The following GLYATL3 variants were observed in gnomAD, a reference collection of about 807,000 sequenced individuals.
GLYATL3 encodes the protein glycine N-acyltransferase-like protein 3.
GLYATL3 carries 31 observed loss-of-function variants against 28.5 expected under a neutral mutation model. The ratio of observed to expected loss-of-function variants is 1.09; its 90% CI spans 0.82 to 1.47. The LOEUF is 1.47. Ranked by LOEUF, GLYATL3 falls within the 40% of genes most tolerant of loss-of-function variation. The pLI is 0.00. For synonymous variants in GLYATL3, 141 were observed against 140.2 expected, an observed-to-expected ratio of 1.01 and a Z score of -0.04; for missense variants, 369 against 351.5, an observed-to-expected ratio of 1.05 and a Z score of -0.40.
At chr6:49,504,182 A>T (rs1258497154) in intron 1 of GLYATL3, among the ~76,000 whole-genome samples, 3 of 150,484 alleles carry the variant, frequency 2.0e-5, no homozygotes, top group Non-Finnish European at 3.0e-5. Flanking sequence ...GGCTGACTGG[A>T]TTGTCTGTTG....
intron 1 of GLYATL3, among the ~76,000 whole-genome samples, chr6:49,506,482 A>T (rs1384442775): frequency 1.3e-5 from 2 of 152,054 alleles, no homozygotes; most frequent in African/African-American, 4.8e-5. Context: ...AGTGAAAGCA[A>T]ATTTTTCACA....
At position 49,527,010 on chromosome 6, in the gene GLYATL3, C is replaced by T; in HGVS notation, c.*96C>T. 2 of 925,812 alleles carry T rather than the reference C, an allele frequency of 2.2e-6. No homozygotes were observed. The highest frequency in any genetic ancestry group is 1.8e-5 in the South Asian group (1 of 56,278). The allele number at this position is 925,812 out of a possible 1,614,324, so 57.3% of individuals were successfully genotyped here. ...GAGAGTTAAAATGGGAATCAGGGGA[C>T]TCTTGAGTTGTTGGAAAGGGTCTGG... On this transcript the variant is annotated 3_prime_UTR_variant, in exon 6 of 6. Coordinates refer to ENST00000371197, the MANE Select transcript of GLYATL3 (RefSeq NM_001010904.2).
chr6:49,518,226 T>C (rs1382840302), intron 4 of GLYATL3, among the ~76,000 whole-genome samples: 1 of 152,104 alleles, frequency 6.6e-6, no homozygotes, highest in Non-Finnish European at 1.5e-5. Flanking sequence ...TCTCACCATA[T>C]TGACTAAGCT....
chr6:49,520,824 T>A (rs1223903600), intron 4 of GLYATL3, among the ~76,000 whole-genome samples: 1 of 152,078 alleles, frequency 6.6e-6, no homozygotes, highest in East Asian at 1.9e-4. Context: ...GAGACCAACC[T>A]GGACTTATAG....
intron 1 of GLYATL3, among the ~76,000 whole-genome samples, chr6:49,509,875 C>T (rs980290092): frequency 6.6e-6 from 1 of 151,452 alleles, no homozygotes; most frequent in African/African-American, 2.4e-5. Context: ...TTACTTTGTC[C>T]CTCTATTTCT....
Position 49,526,488 on chromosome 6 carries a change from C to A in GLYATL3, c.441C>A (p.Leu147=). 6.4e-7 allele frequency: 1 copy of A among 1,550,608 alleles called. No individual in the cohort carries two copies. The highest frequency in any genetic ancestry group is 1.2e-5 in the South Asian group (1 of 83,944). ...TTGTTTTTGTGTCATTCTGGTCTAG[C>A]AAGGGGCCTTCCCCACGACTAACCT... ...PVSSLPDTSF[L]KGPSPRLTYL... is the part of the protein sequence containing the mutation. Residue 147 remains leucine, a splice_region_variant and synonymous_variant, in exon 6 of 6, where the codon CTC becomes CTA. Coordinates refer to ENST00000371197, the MANE Select transcript of GLYATL3 (RefSeq NM_001010904.2).
At position 49,526,882 on chromosome 6, in the gene GLYATL3, C is replaced by T. The variant is rs1769431027; in HGVS notation, c.835C>T (p.Pro279Ser). 4 of 1,540,810 alleles carry T rather than the reference C, an allele frequency of 2.6e-6. No individual in the cohort carries two copies. The Admixed American group carries it at 7.9e-5, about 31-fold the overall frequency. Residue 279 changes from proline (P) to serine (S), a missense_variant, in exon 6 of 6, where the codon CCT (proline) becomes TCT (serine). By Grantham distance (74) the Pro-to-Ser change is moderately conservative (BLOSUM62 -1). Transcript: ENST00000371197. ...TCGCTTCCACAGGCTTATTCTCACC[C>T]CTGCGACTTTCTCTGGCCTGCCTCA... ...PCRFHRLILT[P>S]ATFSGLPHL is the part of the protein sequence containing the mutation.
intron 1 of GLYATL3, among the ~76,000 whole-genome samples, chr6:49,510,696 G>GA (rs1769106637): frequency 1.3e-5 from 2 of 152,204 alleles, no homozygotes; most frequent in Non-Finnish European, 2.9e-5. Context: ...CCATCCTGAA[G>GA]TCTGGAAACT....
intron 1 of GLYATL3, among the ~76,000 whole-genome samples, chr6:49,506,935 G>T (rs915009335): frequency 1.3e-5 from 2 of 152,024 alleles, no homozygotes; most frequent in African/African-American, 4.8e-5. Context: ...AGAAACAGTA[G>T]GCTTAGAATA....
Position 49,527,181 on chromosome 6 carries a change from C to G in GLYATL3, c.*267C>G. On this transcript the variant is annotated 3_prime_UTR_variant, in exon 6 of 6. Transcript: ENST00000371197. ...AGGATCCACTGTAGGAGAATAGGTT[C>G]TAAAGCCAGCAGTTTTAGTGTACTA... is the stretch of plus-strand genomic sequence containing the variant. The G allele has an allele frequency of 5.1e-6, 2 of 392,964 alleles. No individual in the cohort carries two copies. Among genetic ancestry groups the G allele is most frequent in the Non-Finnish European group, 9.1e-6 (2 of 219,388 alleles). 24.3% of individuals were successfully genotyped at this position (392,964 alleles called of 1,614,324 possible). A position where few individuals can be genotyped will look rare whatever the true frequency, so the allele number is the denominator to read the frequency against.
chr6:49,507,173 G>C (rs959251088), intron 1 of GLYATL3, among the ~76,000 whole-genome samples: 1 of 152,040 alleles, frequency 6.6e-6, no homozygotes, highest in Non-Finnish European at 1.5e-5. Flanking sequence ...CTAGTAGGGG[G>C]GTCAGCTACC....
intron 4 of GLYATL3, among the ~76,000 whole-genome samples, chr6:49,520,757 T>C (rs1323548836): frequency 6.6e-6 from 1 of 152,198 alleles, no homozygotes; most frequent in African/African-American, 2.4e-5. Flanking sequence ...GGATTATGCC[T>C]GTAATCCAAG....
intron 1 of GLYATL3, among the ~76,000 whole-genome samples, chr6:49,505,765 A>G (rs1397561639): frequency 6.6e-6 from 1 of 152,224 alleles, no homozygotes; most frequent in Non-Finnish European, 1.5e-5. Flanking sequence ...CAAAGTGGCC[A>G]TTTGATCAAG....
At chr6:49,507,062 G>T (rs963431949) in intron 1 of GLYATL3, among the ~76,000 whole-genome samples, 5 of 152,096 alleles carry the variant, frequency 3.3e-5, no homozygotes, top group East Asian at 1.9e-4. Context: ...ACATATACAG[G>T]TTCCAAGATA....
chr6:49,518,455 T>C (rs933105083), intron 4 of GLYATL3, among the ~76,000 whole-genome samples: 14 of 152,296 alleles, frequency 9.2e-5, no homozygotes, highest in African/African-American at 2.9e-4. Flanking sequence ...TTATGATTGT[T>C]CCAGTGAAAT....
At chr6:49,525,068 A>G (rs1309305876) in intron 5 of GLYATL3, among the ~76,000 whole-genome samples, 1 of 150,068 alleles carries the variant, frequency 6.7e-6, no homozygotes, top group Non-Finnish European at 1.5e-5. Flanking sequence ...ATGGATGCAT[A>G]ACCACAGAAG....
rs1444404045 is a variant in GLYATL3 at position 49,512,084 on chromosome 6, T to C, written c.78+16T>C. The C allele has an allele frequency of 1.9e-6, 2 of 1,057,612 alleles. No homozygotes were observed. The highest frequency in any genetic ancestry group is 2.6e-5 in the East Asian group (1 of 38,434). 65.5% of individuals were successfully genotyped at this position (1,057,612 alleles called of 1,614,324 possible). A position where few individuals can be genotyped will look rare whatever the true frequency, so the allele number is the denominator to read the frequency against. ...ATCACTCAAGGTACCATAAAATTAA[T>C]AATTTTATTTTATTTCTTTATTGTG... On this transcript the variant is annotated intron_variant, in intron 2 of 5. Coordinates refer to ENST00000371197, the MANE Select transcript of GLYATL3 (RefSeq NM_001010904.2).
At chr6:49,504,597 G>A (rs1239586075) in intron 1 of GLYATL3, among the ~76,000 whole-genome samples, 1 of 152,014 alleles carries the variant, frequency 6.6e-6, no homozygotes, top group Non-Finnish European at 1.5e-5. Context: ...GTATGTGAGG[G>A]GTAGACAACT....
At chr6:49,510,186 G>A (rs1305291042) in intron 1 of GLYATL3, among the ~76,000 whole-genome samples, 1 of 151,926 alleles carries the variant, frequency 6.6e-6, no homozygotes, top group Non-Finnish European at 1.5e-5. Context: ...GGGATTACAG[G>A]CATGTGCCAC....
Sources: gnomAD v4.1 joint callset for allele counts (sites outside exome capture counted in the v4.1 genomes callset) on GRCh38, gnomAD v4.1.1 for gene constraint, MANE v1.5 for transcripts, NCBI Gene and HGNC (gene_info 2026-07-23, HGNC 2026-07-21) for gene names.